Variants in NFE2L3 observed in about 807,000 individuals in gnomAD.
NFE2L3 encodes nuclear factor erythroid 2-related factor 3.
A neutral mutation model predicts 23.5 loss-of-function variants in NFE2L3; 18 were observed. The observed-to-expected ratio is 0.77, with a 90% CI of 0.53 to 1.13. The LOEUF (loss-of-function observed/expected upper bound fraction) is 1.13. Ranked by LOEUF, NFE2L3 falls within the 50% of genes most tolerant of loss-of-function variation. The pLI is 0.00. For missense variants in NFE2L3, 1,152 were observed against 877.2 expected, an observed-to-expected ratio of 1.31 and a Z score of -3.96; for synonymous variants, 424 against 354.5, an observed-to-expected ratio of 1.20 and a Z score of -2.20.
At position 26,168,163 on chromosome 7, in the gene NFE2L3, G is replaced by T. The variant is rs150243486; in HGVS notation, c.571-9780G>T. Among the ~76,000 whole-genome samples the T allele has an allele frequency of 7.3e-3, 1,096 of 149,410 alleles. 14 individuals are homozygous for T. Among genetic ancestry groups the T allele is most frequent in the African/African-American group, 0.026 (1,048 of 40,424 alleles). ...TTTTTTTCTTTTTTTTTGAGACAGA[G>T]TCATACTCTGTCACCCAGACTGGAG... On this transcript the variant is annotated intron_variant, in intron 1 of 3. Transcript: ENST00000056233.
intron 2 of NFE2L3, among the ~76,000 whole-genome samples, chr7:26,181,925 A>G (rs1179679056): frequency 1.3e-5 from 2 of 152,150 alleles, no homozygotes; most frequent in African/African-American, 4.8e-5. Flanking sequence ...TCTAGAATAT[A>G]CCAGAGAAGA....
At position 26,152,331 on chromosome 7, in the gene NFE2L3, C is replaced by G. The variant is rs963982659; in HGVS notation, c.-168C>G. ...GGCTGCCGAGGGAACGCCTTTGTGC[C>G]CGGTGCTGGGAACCCGCGACGGCCG... On this transcript the variant is annotated 5_prime_UTR_variant, in exon 1 of 4. Coordinates refer to ENST00000056233, the MANE Select transcript of NFE2L3 (RefSeq NM_004289.7). The surrounding 1 kb of genome is among the most constrained non-coding windows in gnomAD (Gnocchi z 4.4). 1 of 345,050 alleles carries G rather than the reference C, an allele frequency of 2.9e-6. No homozygotes were observed. The highest frequency in any genetic ancestry group is 4.8e-6 in the Non-Finnish European group (1 of 209,402). The allele number at this position is 345,050 out of a possible 1,614,324, so 21.4% of individuals were successfully genotyped here. A position where few individuals can be genotyped will look rare whatever the true frequency, so the allele number is the denominator to read the frequency against.
intron 1 of NFE2L3, 134 bp downstream of exon 1, chr7:26,153,202 C>A: frequency 1.2e-6 from 1 of 851,384 alleles, no homozygotes; most frequent in Non-Finnish European, 1.7e-6. Context: ...TGCAGGTTCG[C>A]AGATGCTGCT....
At chr7:26,166,367 C>G (rs1784252530) in intron 1 of NFE2L3, among the ~76,000 whole-genome samples, 1 of 152,198 alleles carries the variant, frequency 6.6e-6, no homozygotes, top group Non-Finnish European at 1.5e-5. Context: ...TAGCCTTCCC[C>G]TGGTGAACCC....
chr7:26,183,192 G>T (rs1355800533), intron 2 of NFE2L3, among the ~76,000 whole-genome samples: 1 of 152,148 alleles, frequency 6.6e-6, no homozygotes, highest in East Asian at 1.9e-4. Flanking sequence ...TTTATGGTAG[G>T]AATAGAAATA....
At chr7:26,184,287 A>G in intron 3 of NFE2L3, 1 of 450,368 alleles carries the variant, frequency 2.2e-6, no homozygotes, top group Admixed American at 4.0e-5. Context: ...CTTTTTAAGA[A>G]AATCCAGTCA....
Position 26,186,248 on chromosome 7 carries a change from TAAA to T in NFE2L3, c.*466_*468del, listed in dbSNP as rs1782484327. On this transcript the variant is annotated 3_prime_UTR_variant, in exon 4 of 4. Transcript: ENST00000056233. ...TATTTTAATCTTTATATTTAACTTA[TAAA>T]TTTTGCTTTCTATGGAAATAAATTT... The T allele has an allele frequency of 6.6e-6, 1 of 152,404 alleles. No individual in the cohort carries two copies. The highest frequency in any genetic ancestry group is 2.4e-5 in the African/African-American group (1 of 41,450). 9.4% of individuals were successfully genotyped at this position (152,404 alleles called of 1,614,324 possible).
chr7:26,152,453 G>T lies in NFE2L3; in HGVS notation c.-46G>T. On this transcript the variant is annotated 5_prime_UTR_variant, in exon 1 of 4. Transcript: ENST00000056233. This position sits in a 1 kb window ranked among gnomAD's most constrained non-coding sequence, Gnocchi z 4.4. ...GTGTCACCCCGGCGGCTGGGGCGCC[G>T]GGACCCGCGGGCGCCGGCAGGGGCG... 1 of 1,218,522 alleles carries T rather than the reference G, an allele frequency of 8.2e-7. No individual in the cohort carries two copies. The allele number at this position is 1,218,522 out of a possible 1,614,324, so 75.5% of individuals were successfully genotyped here.
intron 1 of NFE2L3, among the ~76,000 whole-genome samples, chr7:26,153,433 G>T (rs1784030352): frequency 6.6e-6 from 1 of 152,278 alleles, no homozygotes; most frequent in East Asian, 1.9e-4. Flanking sequence ...ACCCGTGCCC[G>T]ACCTGGACGA....
intron 1 of NFE2L3, among the ~76,000 whole-genome samples, chr7:26,177,208 A>G (rs1443854646): frequency 6.6e-6 from 1 of 152,270 alleles, no homozygotes; most frequent in Non-Finnish European, 1.5e-5. Flanking sequence ...GCGGCTGGGC[A>G]GAAGCTGTAA....
At chr7:26,169,118 A>T (rs2128098652) in intron 1 of NFE2L3, among the ~76,000 whole-genome samples, 1 of 152,336 alleles carries the variant, frequency 6.6e-6, no homozygotes, top group Admixed American at 6.5e-5. Context: ...CAAATTCCGT[A>T]GGCCTTTTTT....
At chr7:26,154,437 C>T (rs1784051136) in intron 1 of NFE2L3, among the ~76,000 whole-genome samples, 1 of 152,202 alleles carries the variant, frequency 6.6e-6, no homozygotes, top group African/African-American at 2.4e-5. Context: ...GAATGCCAAC[C>T]TGTGTGCAAA....
At position 26,184,931 on chromosome 7, in the gene NFE2L3, T is replaced by G; in HGVS notation, c.1233T>G (p.Leu411=). Reference sequence around the variant, plus strand: ...TTGATCCAATCGATGTTTCTCAGCTTTTTGATGAACCAGATTCTGATTCTG... The same window carrying G: ...TTGATCCAATCGATGTTTCTCAGCTGTTTGATGAACCAGATTCTGATTCTG... ...DNFDPIDVSQ[L]FDEPDSDSGL... The change falls in exon 4 of 4, where the codon CTT becomes CTG. Residue 411 remains leucine (L), a synonymous_variant. Coordinates refer to ENST00000056233, the MANE Select transcript of NFE2L3 (RefSeq NM_004289.7). 6.2e-7 allele frequency: 1 copy of G among 1,613,958 alleles called. No individual in the cohort carries two copies. The highest frequency in any genetic ancestry group is 8.5e-7 in the Non-Finnish European group (1 of 1,179,852).
intron 2 of NFE2L3, among the ~76,000 whole-genome samples, chr7:26,180,646 C>T (rs1199153089): frequency 7.2e-5 from 11 of 152,196 alleles, no homozygotes. Context: ...GCCTTTCTCC[C>T]AGGTATGTCT....
In NFE2L3 at chr7:26,162,442, T is replaced by C. The variant is rs1304612294; in HGVS notation, c.570+9374T>C. ...GAAAGTGCACTGTATAATCATACAG[T>C]GATTCTGTATTCTGTTTACGTATGT... On this transcript the variant is annotated intron_variant, in intron 1 of 3. Transcript: ENST00000056233. 4.6e-5 allele frequency among the ~76,000 whole-genome samples: 7 copies of C among 152,164 alleles called. No homozygotes were observed. In the East Asian group the frequency reaches 1.3e-3, roughly 29 times the overall value.
intron 2 of NFE2L3, among the ~76,000 whole-genome samples, chr7:26,178,803 G>GGCAC (rs1333089425): frequency 6.6e-6 from 1 of 152,132 alleles, no homozygotes. Flanking sequence ...ATGGCAAACA[G>GGCAC]GCACTCGAGA....
chr7:26,184,247 A>AGCG, intron 3 of NFE2L3: 1 of 387,416 alleles, frequency 2.6e-6, no homozygotes, highest in South Asian at 3.7e-5. Flanking sequence ...CTTATTATAA[A>AGCG]GTAGCAAATT....
At chr7:26,176,581 C>T (rs1307639261) in intron 1 of NFE2L3, among the ~76,000 whole-genome samples, 4 of 110,932 alleles carry the variant, frequency 3.6e-5, no homozygotes, top group Non-Finnish European at 5.7e-5. Context: ...ACTTCCCAGA[C>T]GGGGTGGCCA....
intron 2 of NFE2L3, among the ~76,000 whole-genome samples, chr7:26,182,589 G>T (rs1005777121): frequency 9.2e-5 from 14 of 151,856 alleles, no homozygotes; most frequent in African/African-American, 3.4e-4. Flanking sequence ...GATCTCACCA[G>T]TGCTCTCCAG....
Sources: allele counts gnomAD v4.1 joint callset (sites outside exome capture counted in the v4.1 genomes callset), GRCh38; gene constraint gnomAD v4.1.1; non-coding constraint Gnocchi (gnomAD v3.1); transcripts MANE v1.5; gene names NCBI Gene and HGNC (gene_info 2026-07-23, HGNC 2026-07-21).